The following CYP51A1 variants were observed in gnomAD, a reference collection of about 807,000 sequenced individuals.
CYP51A1 encodes the protein cytochrome P450 family 51 subfamily A member 1, also known as lanosterol 14-alpha demethylase.
In CYP51A1, 45 loss-of-function variants were observed where a neutral mutation model predicts 53.5. The ratio of observed to expected loss-of-function variants is 0.84; its 90% CI spans 0.66 to 1.08. The LOEUF is 1.08. Ranked by LOEUF, CYP51A1 falls within the 50% of genes least tolerant of loss-of-function variation. The pLI is 0.00. For missense variants in CYP51A1, 462 were observed against 621.7 expected, an observed-to-expected ratio of 0.74 and a Z score of 2.73; for synonymous variants, 181 against 217.7, an observed-to-expected ratio of 0.83 and a Z score of 1.48.
At chr7:92,128,361 T>G (rs1819843667) in intron 3 of CYP51A1, among the ~76,000 whole-genome samples, 1 of 151,626 alleles carries the variant, frequency 6.6e-6, no homozygotes, top group African/African-American at 2.4e-5. Flanking sequence ...TTCTCATGAT[T>G]CTTCAGACTT....
intron 7 of CYP51A1, among the ~76,000 whole-genome samples, chr7:92,120,632 C>G (rs759270938): frequency 1.3e-5 from 2 of 152,058 alleles, no homozygotes; most frequent in Non-Finnish European, 2.9e-5. Context: ...AAAAAATAGT[C>G]TTTTCAACAA....
chr7:92,113,909 A>G, intron 9 of CYP51A1, 66 bp from the exon 10 acceptor site: 1 of 1,056,448 alleles, frequency 9.5e-7, no homozygotes. Context: ...GCCTGGGGTG[A>G]TATTATCTAC....
intron 1 of CYP51A1, 89 bp downstream of exon 1, chr7:92,134,084 C>A (rs1354023626): frequency 1.5e-6 from 2 of 1,303,996 alleles, no homozygotes. Context: ...TCCACTGAGC[C>A]GGTCGGGGCC....
chr7:92,132,853 A>G (rs1271779772), intron 1 of CYP51A1, among the ~76,000 whole-genome samples: 1 of 152,194 alleles, frequency 6.6e-6, no homozygotes, highest in Non-Finnish European at 1.5e-5. Flanking sequence ...GCAGATTACA[A>G]CATTAAGTAT....
At chr7:92,120,369 G>A (rs996060141) in intron 7 of CYP51A1, among the ~76,000 whole-genome samples, 1 of 152,182 alleles carries the variant, frequency 6.6e-6, no homozygotes, top group Non-Finnish European at 1.5e-5. Context: ...ACAAAACTAC[G>A]TAATGGCATC....
intron 2 of CYP51A1, among the ~76,000 whole-genome samples, chr7:92,129,568 T>A (rs1049870041): frequency 6.6e-6 from 1 of 152,228 alleles, no homozygotes; most frequent in African/African-American, 2.4e-5. Context: ...CTACACTAAA[T>A]GACTTCATTT....
intron 6 of CYP51A1, 86 bp downstream of exon 6, chr7:92,123,648 T>C: frequency 7.5e-7 from 1 of 1,330,558 alleles, no homozygotes; most frequent in Non-Finnish European, 1.0e-6. Context: ...CCAGCATCAC[T>C]GTTTTTTAAC....
chr7:92,116,272 A>C (rs566444697), intron 9 of CYP51A1, among the ~76,000 whole-genome samples: 159 of 151,538 alleles, frequency 1.0e-3, no homozygotes, highest in African/African-American at 3.8e-3. Flanking sequence ...GACTCTCTCA[A>C]AAAAAAAACT....
intron 5 of CYP51A1, 60 bp downstream of exon 5, chr7:92,126,193 C>T: frequency 2.5e-6 from 3 of 1,222,244 alleles, no homozygotes; most frequent in South Asian, 3.8e-5. Context: ...CAAAGCATAC[C>T]AACACTACAA....
intron 5 of CYP51A1, among the ~76,000 whole-genome samples, chr7:92,125,222 T>C (rs1377781979): frequency 1.3e-5 from 2 of 151,160 alleles, no homozygotes; most frequent in Non-Finnish European, 2.9e-5. Flanking sequence ...GGTGTTCTAA[T>C]ATAAGATATA....
intron 2 of CYP51A1, among the ~76,000 whole-genome samples, 167 bp downstream of exon 2, chr7:92,131,607 A>G (rs554917112): frequency 6.6e-6 from 1 of 152,358 alleles, no homozygotes; most frequent in African/African-American, 2.4e-5. Context: ...ATAGGTATCT[A>G]TAAGACACCA....
chr7:92,121,311 C>A (rs1563178765), intron 7 of CYP51A1, among the ~76,000 whole-genome samples: 1 of 151,532 alleles, frequency 6.6e-6, no homozygotes, highest in South Asian at 2.1e-4. Context: ...TCACTTCACA[C>A]CTATTATAAT....
Position 92,112,868 on chromosome 7 carries a change from C to G in CYP51A1, c.*797G>C, listed in dbSNP as rs1819468438. The G allele has an allele frequency of 6.7e-6, 1 of 150,210 alleles. No homozygotes were observed. The allele number at this position is 150,210 out of a possible 1,614,324, so 9.3% of individuals were successfully genotyped here. A position where few individuals can be genotyped will look rare whatever the true frequency, so the allele number is the denominator to read the frequency against. ...AAAAAGGAAGCAGGGAACAACTGAG[C>G]CAAAACAAAATTATCCCCTAAGGAC... On this transcript the variant is annotated 3_prime_UTR_variant, in exon 10 of 10. Transcript: ENST00000003100.
At position 92,128,455 on chromosome 7, in the gene CYP51A1, T is replaced by TGTGTGTGTGTGTGC. The variant is rs759739146; in HGVS notation, c.468+424_468+425insGCACACACACACAC. On this transcript the variant is annotated intron_variant, in intron 3 of 9. Coordinates refer to ENST00000003100, the MANE Select transcript of CYP51A1 (RefSeq NM_000786.4). ...GTGTGTGTGTGTGTGTGTGTGTGTG[T>TGTGTGTGTGTGTGC]GCGCGTGCGTGTGTGTGTGTGTGTT... 1.7e-3 allele frequency among the ~76,000 whole-genome samples: 176 copies of TGTGTGTGTGTGTGC among 102,044 alleles called. 1 individual carries two copies. Among genetic ancestry groups the TGTGTGTGTGTGTGC allele is most frequent in the Admixed American group, 0.012 (134 of 10,988 alleles). The allele number at this position is 102,044 out of a possible 152,430, so 66.9% of individuals were successfully genotyped here.
At chr7:92,123,917 T>C in intron 5 of CYP51A1, 64 bp from the exon 6 acceptor site, 1 of 1,382,780 alleles carries the variant, frequency 7.2e-7, no homozygotes, top group Non-Finnish European at 9.7e-7. Context: ...ATCAAATTCA[T>C]TTTGAGAACC....
At chr7:92,129,569 G>A (rs1180404665) in intron 2 of CYP51A1, among the ~76,000 whole-genome samples, 5 of 152,026 alleles carry the variant, frequency 3.3e-5, no homozygotes, top group Non-Finnish European at 2.9e-5. Flanking sequence ...TACACTAAAT[G>A]ACTTCATTTT....
chr7:92,125,144 CAA>C (rs1232943204), intron 5 of CYP51A1, among the ~76,000 whole-genome samples: 32 of 67,088 alleles, frequency 4.8e-4, no homozygotes, highest in Non-Finnish European at 3.0e-4. Context: ...ACTCCATCAC[CAA>C]AAAAAAAAAA....
At chr7:92,129,299 A>G (rs565596412) in intron 2 of CYP51A1, among the ~76,000 whole-genome samples, 1 of 152,112 alleles carries the variant, frequency 6.6e-6, no homozygotes, top group Non-Finnish European at 1.5e-5. Flanking sequence ...TATATTGACA[A>G]TGTTTTCTAT....
intron 3 of CYP51A1, among the ~76,000 whole-genome samples, chr7:92,128,410 T>C (rs551826465): frequency 6.8e-6 from 1 of 147,558 alleles, no homozygotes; most frequent in East Asian, 2.0e-4. Flanking sequence ...TTTTATTACA[T>C]TTTTGTTTGG....
Sources: gnomAD v4.1 joint callset for allele counts (sites outside exome capture counted in the v4.1 genomes callset) on GRCh38, gnomAD v4.1.1 for gene constraint, MANE v1.5 for transcripts, NCBI Gene and HGNC (gene_info 2026-07-23, HGNC 2026-07-21) for gene names.